The following CNKSR2 variants were observed in gnomAD, a reference collection of about 807,000 sequenced individuals.
CNKSR2 encodes CNK homolog protein 2.
Under a neutral mutation model 84.4 loss-of-function variants are expected in CNKSR2, and 14 were observed. The observed-to-expected ratio is 0.17, with a 90% CI of 0.11 to 0.26. The LOEUF (loss-of-function observed/expected upper bound fraction) is 0.26. Among genes scored for constraint, CNKSR2 ranks in the 10% least tolerant of loss-of-function variants. The pLI, the probability that CNKSR2 is intolerant of heterozygous loss-of-function variation, is 1.00. For synonymous variants in CNKSR2, 275 were observed against 277.9 expected, an observed-to-expected ratio of 0.99 and a Z score of 0.10; for missense variants, 485 against 771.2, an observed-to-expected ratio of 0.63 and a Z score of 4.40.
At chrX:21,588,309 G>C (rs766514271) in intron 13 of CNKSR2, among the ~76,000 whole-genome samples, 6 of 112,076 alleles carry the variant, frequency 5.4e-5, no homozygotes, top group African/African-American at 1.9e-4. Context: ...CTGCAAGTAG[G>C]CCTTTCTAAG....
At chrX:21,518,245 T>C (rs1181899691) in intron 9 of CNKSR2, among the ~76,000 whole-genome samples, 1 of 111,237 alleles carries the variant, frequency 9.0e-6, no homozygotes, top group African/African-American at 3.3e-5. Context: ...TAGAGTTTCC[T>C]ATTGCCATGT....
chrX:21,611,485 G>A (rs2092549765), intron 20 of CNKSR2, among the ~76,000 whole-genome samples: 1 of 112,502 alleles, frequency 8.9e-6, no homozygotes. Flanking sequence ...TAAGGGAAGA[G>A]TAGAAAGAAG....
chrX:21,588,087 G>C (rs1030911119), intron 13 of CNKSR2, among the ~76,000 whole-genome samples: 4 of 111,983 alleles, frequency 3.6e-5, no homozygotes, highest in African/African-American at 1.3e-4. Flanking sequence ...TTCTGTCCAG[G>C]GAAGCCCGTT....
At chrX:21,410,287 A>G (rs2147009004) in intron 1 of CNKSR2, among the ~76,000 whole-genome samples, 1 of 111,282 alleles carries the variant, frequency 9.0e-6, no homozygotes, top group East Asian at 2.8e-4. Flanking sequence ...GAAGCAATGG[A>G]AAACTGACAT....
Position 21,616,738 on chromosome X carries a change from C to T in CNKSR2, c.2692+7121C>T, listed in dbSNP as rs915567773. Among the ~76,000 whole-genome samples the T allele has an allele frequency of 5.2e-4, 58 of 112,224 alleles. 1 individual carries two copies. The highest frequency in any genetic ancestry group is 1.5e-3 in the South Asian group (4 of 2,694). ...ATAAATCAGTTAGAAACCAGATCTT[C>T]CAGCTCTCTTAGGCAGTTGTTCTTC... On this transcript the variant is annotated intron_variant, in intron 20 of 21. Coordinates refer to ENST00000379510, the MANE Select transcript of CNKSR2 (RefSeq NM_014927.5).
chrX:21,402,646 A>G (rs2090207477), intron 1 of CNKSR2, among the ~76,000 whole-genome samples: 1 of 111,226 alleles, frequency 9.0e-6, no homozygotes, highest in Non-Finnish European at 1.9e-5. Context: ...TTTATTTGAC[A>G]TAATTTTTTG....
chrX:21,383,709 A>G (rs1237334295), intron 1 of CNKSR2, among the ~76,000 whole-genome samples: 2 of 105,988 alleles, frequency 1.9e-5, no homozygotes, highest in Non-Finnish European at 3.9e-5. Flanking sequence ...TGAACTTTTT[A>G]TTTTGTTCCA....
At chrX:21,403,891 C>T (rs756465317) in intron 1 of CNKSR2, among the ~76,000 whole-genome samples, 3 of 111,959 alleles carry the variant, frequency 2.7e-5, no homozygotes, top group African/African-American at 9.7e-5. Flanking sequence ...ATGTATACCA[C>T]ATGCTACTTG....
Position 21,563,260 on chromosome X carries a change from G to C in CNKSR2, c.1416G>C (p.Met472Ile). Reference sequence around the variant, plus strand: ...TAGAAAACTCTCTACTTCGGTATATGAGCAATGAAAAGATTGCTCAAGAAG... The same window carrying C: ...TAGAAAACTCTCTACTTCGGTATATCAGCAATGAAAAGATTGCTCAAGAAG... ...SRRENSLLRYMSNEKIAQEEY... is the reference protein window; with the variant it reads ...SRRENSLLRYISNEKIAQEEY... Residue 472 changes from methionine to isoleucine, a missense_variant, in exon 13 of 22, where the codon ATG becomes ATC. By Grantham distance (10) the Met-to-Ile change is conservative (BLOSUM62 1). Around this residue, in one of 5 missense-constraint regions of CNKSR2, gnomAD observed 132 missense variants for 166.7 expected, o/e 0.79. Coordinates refer to ENST00000379510, the MANE Select transcript of CNKSR2 (RefSeq NM_014927.5). 8.3e-7 allele frequency: 1 copy of C among 1,206,883 alleles called. No homozygotes were observed. Among genetic ancestry groups the C allele is most frequent in the South Asian group, 1.8e-5 (1 of 56,470 alleles).
chrX:21,397,351 T>C (rs999551245), intron 1 of CNKSR2, among the ~76,000 whole-genome samples: 1 of 111,800 alleles, frequency 8.9e-6, no homozygotes, highest in African/African-American at 3.2e-5. Flanking sequence ...TAAGTGTGAA[T>C]TTTTTGACAC....
At chrX:21,478,240 CATATT>C (rs2091279810) in intron 5 of CNKSR2, among the ~76,000 whole-genome samples, 1 of 111,410 alleles carries the variant, frequency 9.0e-6, no homozygotes, top group South Asian at 3.8e-4. Flanking sequence ...TCTTTGGTGT[CATATT>C]ATATTATTTT....
At position 21,501,883 on chromosome X, in the gene CNKSR2, A is replaced by G. The variant is rs112441212; in HGVS notation, c.810+295A>G. On this transcript the variant is annotated intron_variant, in intron 8 of 21. Coordinates refer to ENST00000379510, the MANE Select transcript of CNKSR2 (RefSeq NM_014927.5). ...GAATAACAATTTTGGAATAGAAATT[A>G]AAGTGACAGTATGTATAAATTCAAC... Among the ~76,000 whole-genome samples, 839 of 109,674 alleles carry G rather than the reference A, an allele frequency of 7.6e-3. 3 individuals carry two copies. Among genetic ancestry groups the G allele is most frequent in the African/African-American group, 0.026 (795 of 30,325 alleles).
At chrX:21,635,169 T>TA (rs1305634928) in intron 20 of CNKSR2, among the ~76,000 whole-genome samples, 7 of 109,321 alleles carry the variant, frequency 6.4e-5, no homozygotes, top group South Asian at 3.9e-4. Flanking sequence ...AATTGATTCT[T>TA]ATGCTAAAAA....
At chrX:21,396,325 A>T (rs2090121333) in intron 1 of CNKSR2, among the ~76,000 whole-genome samples, 2 of 110,760 alleles carry the variant, frequency 1.8e-5, no homozygotes, top group South Asian at 7.9e-4. Flanking sequence ...AAAAAACAGT[A>T]CTTTTTGTTC....
intron 1 of CNKSR2, among the ~76,000 whole-genome samples, chrX:21,418,566 T>G (rs2090453478): frequency 8.9e-6 from 1 of 111,759 alleles, no homozygotes; most frequent in South Asian, 3.7e-4. Flanking sequence ...GTTTATACTC[T>G]TCTAGGGTAA....
In CNKSR2 at chrX:21,654,572, A is replaced by G. The variant is rs1485260237; in HGVS notation, c.*2051A>G. The G allele has an allele frequency of 3.6e-5, 4 of 111,564 alleles. No homozygotes were observed. The highest frequency in any genetic ancestry group is 1.3e-4 in the African/African-American group (4 of 30,737). 9.2% of individuals were successfully genotyped at this position (111,564 alleles called of 1,213,427 possible). On this transcript the variant is annotated 3_prime_UTR_variant, in exon 22 of 22. Coordinates refer to ENST00000379510, the MANE Select transcript of CNKSR2 (RefSeq NM_014927.5). The stretch of plus-strand genomic sequence containing the variant: ...ATTTGACAAGACTCGTGGCTAGCCT[A>G]GCATGAAAGAGACCTTTTAACACTA...
chrX:21,626,449 G>C (rs1569281695), intron 20 of CNKSR2, among the ~76,000 whole-genome samples: 1 of 111,254 alleles, frequency 9.0e-6, no homozygotes. Context: ...GCTTCGGTAG[G>C]TCACTCTGGC....
rs761636781 is a variant in CNKSR2, at chrX:21,498,353, C to T, written c.741+507C>T. ...TATATGCAAACTGTTAGGCCCTACC[C>T]CAGACCTACTAAATCAGAAATTCTG... On this transcript the variant is annotated intron_variant, in intron 7 of 21. Transcript: ENST00000379510. Among the ~76,000 whole-genome samples the T allele has an allele frequency of 5.4e-5, 6 of 111,409 alleles. No individual in the cohort carries two copies. The South Asian group carries it at 2.3e-3, about 42-fold the overall frequency.
intron 6 of CNKSR2, chrX:21,492,543 G>C (rs1026841696): frequency 3.7e-4 from 41 of 111,130 alleles, no homozygotes; most frequent in African/African-American, 1.3e-3. Context: ...AAGTACATCT[G>C]AACAAAGCTT....
Sources: gnomAD v4.1 joint callset for allele counts (sites outside exome capture counted in the v4.1 genomes callset) on GRCh38, gnomAD v4.1.1 for gene constraint, gnomAD v4.1.1 regional missense constraint, MANE v1.5 for transcripts, NCBI Gene and HGNC (gene_info 2026-07-23, HGNC 2026-07-21) for gene names.